The following PAM variants were observed in gnomAD, a reference collection of about 807,000 sequenced individuals.
PAM encodes the protein peptidyl-glycine alpha-amidating monooxygenase.
A neutral mutation model predicts 122.1 loss-of-function variants in PAM; 72 were observed. That is an observed-to-expected ratio of 0.59 (90% CI 0.49 to 0.72). The LOEUF (loss-of-function observed/expected upper bound fraction) is 0.72, where lower values mean the gene tolerates loss of function less well. Among genes scored for constraint, PAM ranks in the 30% least tolerant of loss-of-function variants. The pLI is 0.00. For synonymous variants in PAM, 389 were observed against 404.4 expected (o/e 0.96, Z 0.46); for missense variants, 1,106 against 1,183.7 (o/e 0.93, Z 0.96).
chr5:102,770,160 T>C (rs1755326783), intron 1 of PAM, among the ~76,000 whole-genome samples: 1 of 152,148 alleles, frequency 6.6e-6, no homozygotes, highest in Non-Finnish European at 1.5e-5. Flanking sequence ...ATTGTTTGGC[T>C]GTTGGTATAT....
intron 4 of PAM, among the ~76,000 whole-genome samples, chr5:102,906,652 A>G (rs755540781): frequency 3.3e-5 from 5 of 151,602 alleles, no homozygotes; most frequent in Non-Finnish European, 5.9e-5. Flanking sequence ...AAAGAACCAG[A>G]CTCATAGGGT....
intron 1 of PAM, among the ~76,000 whole-genome samples, chr5:102,800,249 G>A (rs1039658314): frequency 6.6e-6 from 1 of 152,062 alleles, no homozygotes; most frequent in African/African-American, 2.4e-5. Context: ...TTATTCAAAT[G>A]TCATTTCTTC....
At chr5:102,963,075 G>A (rs1762971245) in intron 14 of PAM, among the ~76,000 whole-genome samples, 1 of 151,796 alleles carries the variant, frequency 6.6e-6, no homozygotes, top group Non-Finnish European at 1.5e-5. Context: ...CTCATATGTT[G>A]AAATTAGTGG....
intron 3 of PAM, among the ~76,000 whole-genome samples, chr5:102,875,423 A>G (rs1416602789): frequency 6.6e-6 from 1 of 152,034 alleles, no homozygotes; most frequent in Non-Finnish European, 1.5e-5. Flanking sequence ...CAAACTCCTG[A>G]GCTCAAGTGA....
intron 15 of PAM, among the ~76,000 whole-genome samples, chr5:102,988,617 G>A (rs1772818026): frequency 7.2e-6 from 1 of 138,246 alleles, no homozygotes; most frequent in African/African-American, 3.2e-5. Context: ...AGGGAGGAAA[G>A]GAAAGGAAAG....
chr5:102,901,563 TAG>T, intron 4 of PAM, 150 bp downstream of exon 4: 4 of 607,770 alleles, frequency 6.6e-6, no homozygotes, highest in Non-Finnish European at 1.2e-5. Flanking sequence ...AGAAACAAAC[TAG>T]AGAGAGCCAC....
chr5:102,833,081 C>T (rs557205085), intron 1 of PAM, among the ~76,000 whole-genome samples: 2 of 151,964 alleles, frequency 1.3e-5, no homozygotes, highest in African/African-American at 4.8e-5. Flanking sequence ...CTGAAAATGT[C>T]AATTAATATA....
downstream of PAM, chr5:103,030,787 C>T (rs1291379850): frequency 1.3e-5 from 2 of 152,196 alleles, no homozygotes; most frequent in Non-Finnish European, 1.5e-5. Flanking sequence ...TCACTCTTTC[C>T]AGTGATCTTT....
At chr5:103,017,516 C>A in intron 22 of PAM, 83 bp downstream of exon 22, 1 of 847,430 alleles carries the variant, frequency 1.2e-6, no homozygotes, top group Non-Finnish European at 2.0e-6. Context: ...ATTTGCATTT[C>A]CTTATCTTTT....
intron 4 of PAM, among the ~76,000 whole-genome samples, chr5:102,906,276 C>T (rs964307078): frequency 6.6e-6 from 1 of 151,626 alleles, no homozygotes; most frequent in Admixed American, 6.6e-5. Context: ...TTCATTCCCC[C>T]AACCTACCAC....
chr5:102,851,933 T>C (rs772311603), intron 1 of PAM, among the ~76,000 whole-genome samples: 4 of 152,270 alleles, frequency 2.6e-5, no homozygotes, highest in Non-Finnish European at 4.4e-5. Flanking sequence ...ATTCAACTTA[T>C]CTTTTCTATT....
intron 23 of PAM, among the ~76,000 whole-genome samples, chr5:103,021,521 T>C (rs1783539674): frequency 6.6e-6 from 1 of 152,214 alleles, no homozygotes. Context: ...CTCTCTCCTG[T>C]GTGCACACCA....
At chr5:102,828,156 T>C (rs1272180091) in intron 1 of PAM, among the ~76,000 whole-genome samples, 5 of 151,856 alleles carry the variant, frequency 3.3e-5, no homozygotes, top group Admixed American at 3.3e-4. Flanking sequence ...CTGGGCAACA[T>C]GGCGAGACCC....
At chr5:102,887,119 C>G (rs760033179) in intron 3 of PAM, among the ~76,000 whole-genome samples, 1 of 151,932 alleles carries the variant, frequency 6.6e-6, no homozygotes, top group South Asian at 2.1e-4. Flanking sequence ...GTGGTTTGTC[C>G]CCACCAGAAC....
chr5:102,822,028 G>A (rs1772107350), intron 1 of PAM, among the ~76,000 whole-genome samples: 1 of 152,068 alleles, frequency 6.6e-6, no homozygotes, highest in Admixed American at 6.5e-5. Flanking sequence ...CCCAATTTGG[G>A]GGATTCAATC....
chr5:102,886,443 C>G (rs189145978), intron 3 of PAM, among the ~76,000 whole-genome samples: 1 of 151,882 alleles, frequency 6.6e-6, no homozygotes, highest in Admixed American at 6.6e-5. Context: ...TCCACCCCTT[C>G]TTTTTTTTAA....
intron 3 of PAM, among the ~76,000 whole-genome samples, chr5:102,883,186 G>T (rs572559617): frequency 7.9e-5 from 12 of 151,986 alleles, no homozygotes; most frequent in Non-Finnish European, 1.6e-4. Context: ...GCATGGTCTT[G>T]TTTTGGCTAT....
chr5:102,896,030 TCCC>T (rs769464550), intron 3 of PAM: 9 of 151,608 alleles, frequency 5.9e-5, no homozygotes, highest in Non-Finnish European at 1.3e-4. Context: ...AACTCCCGAG[TCCC>T]CATCACAGGG....
intron 1 of PAM, among the ~76,000 whole-genome samples, chr5:102,851,932 A>T (rs114133609): frequency 3.3e-5 from 5 of 152,354 alleles, no homozygotes; most frequent in Non-Finnish European, 7.3e-5. Flanking sequence ...CATTCAACTT[A>T]TCTTTTCTAT....
Sources: gnomAD v4.1 joint callset for allele counts (sites outside exome capture counted in the v4.1 genomes callset) on GRCh38, gnomAD v4.1.1 for gene constraint, MANE v1.5 for transcripts, NCBI Gene and HGNC (gene_info 2026-07-23, HGNC 2026-07-21) for gene names.